RBM26: variants seen among roughly 807,000 people sequenced by gnomAD.
RBM26 encodes RNA binding motif protein 26, also known as RNA-binding protein 26.
Under a neutral mutation model 123.6 loss-of-function variants are expected in RBM26, and 30 were observed. That is an observed-to-expected ratio of 0.24 (90% CI 0.18 to 0.33). The LOEUF is 0.33. Ranked by LOEUF, RBM26 falls within the 10% of genes least tolerant of loss-of-function variation. RBM26 has a pLI of 1.00. For synonymous variants in RBM26, 400 were observed against 404.4 expected, an observed-to-expected ratio of 0.99 and a Z score of 0.13; for missense variants, 947 against 1,203.6, an observed-to-expected ratio of 0.79 and a Z score of 3.15.
At chr13:79,404,102 C>T (rs2079296317) in intron 1 of RBM26, among the ~76,000 whole-genome samples, 2 of 152,130 alleles carry the variant, frequency 1.3e-5, no homozygotes, top group African/African-American at 4.8e-5. Flanking sequence ...GTTTTAGACT[C>T]ATATATTCAA....
At position 79,322,388 on chromosome 13, in the gene RBM26, T is replaced by A. The variant is rs762457496; in HGVS notation, c.2895A>T (p.Ser965=). The change falls in exon 21 of 22, where the codon TCA becomes TCT. Residue 965 remains serine, a synonymous_variant. Coordinates refer to ENST00000438737, the MANE Select transcript of RBM26 (RefSeq NM_001366735.2). ...GCTCAACTTCTTCTGTTTCAACAGC[T>A]GAAATATTAGTTACTGGTTTATTCC... The part of the protein sequence containing the change: ...LAWNKPVTNI[S]AVETEEVEPD... 1 of 1,578,488 alleles carries A rather than the reference T, an allele frequency of 6.3e-7. No homozygotes were observed. Among genetic ancestry groups the A allele is most frequent in the South Asian group, 1.2e-5 (1 of 84,696 alleles).
chr13:79,325,124 C>G (rs2068177391), intron 20 of RBM26, among the ~76,000 whole-genome samples: 1 of 152,090 alleles, frequency 6.6e-6, no homozygotes, highest in Non-Finnish European at 1.5e-5. Flanking sequence ...CCAGTCCAGT[C>G]ATATAAAAGT....
rs533218601 is a variant in RBM26 at position 79,327,674 on chromosome 13, A to G, written c.2821-5212T>C. On this transcript the variant is annotated intron_variant, in intron 20 of 21. Coordinates refer to ENST00000438737, the MANE Select transcript of RBM26 (RefSeq NM_001366735.2). ...TCCTACATATGAAGAACCAATAGAA[A>G]ATATTATGGAACAAAAGATCTCATT... is the stretch of plus-strand genomic sequence containing the variant. 3.9e-5 allele frequency among the ~76,000 whole-genome samples: 6 copies of G among 152,316 alleles called. No individual in the cohort carries two copies. In the South Asian group the frequency reaches 1.0e-3, roughly 26 times the overall value.
intron 20 of RBM26, 131 bp from the exon 21 acceptor site, chr13:79,322,593 TTTGA>T: frequency 1.9e-6 from 1 of 525,592 alleles, no homozygotes; most frequent in Non-Finnish European, 3.3e-6. Context: ...CCATTTGCTT[TTTGA>T]TTATTTACTA....
intron 14 of RBM26, among the ~76,000 whole-genome samples, chr13:79,347,886 AATATT>A (rs1305763812): frequency 1.3e-5 from 2 of 152,140 alleles, no homozygotes; most frequent in Non-Finnish European, 2.9e-5. Context: ...TTCACAATTG[AATATT>A]ATGTTAGCTG....
intron 3 of RBM26, among the ~76,000 whole-genome samples, chr13:79,373,307 TATAA>T (rs1352090374): frequency 7.5e-5 from 8 of 106,168 alleles, no homozygotes; most frequent in East Asian, 2.6e-4. Context: ...TATATAAAAA[TATAA>T]ATAAATATAT....
chr13:79,399,429 A>G (rs550867251), intron 1 of RBM26, among the ~76,000 whole-genome samples: 72 of 152,348 alleles, frequency 4.7e-4, no homozygotes, highest in Non-Finnish European at 9.6e-4. Context: ...AAAAAGAAAC[A>G]GTAAAGTTTC....
chr13:79,324,466 C>T (rs755287921), intron 20 of RBM26, among the ~76,000 whole-genome samples: 1 of 151,774 alleles, frequency 6.6e-6, no homozygotes, highest in Admixed American at 6.6e-5. Flanking sequence ...ACTTTTTTCA[C>T]AATCTGGCCT....
chr13:79,371,427 C>T (rs1198404255), intron 4 of RBM26, among the ~76,000 whole-genome samples: 1 of 152,112 alleles, frequency 6.6e-6, no homozygotes, highest in Non-Finnish European at 1.5e-5. Context: ...GTATATAAGA[C>T]TTAGAGTACA....
Position 79,319,299 on chromosome 13 carries a change from G to A in RBM26, c.*1322C>T, listed in dbSNP as rs993188361. On this transcript the variant is annotated 3_prime_UTR_variant, in exon 22 of 22. Transcript: ENST00000438737. ...TAATATTATCACTATAATCTCAAGA[G>A]AGGCAGAAACACTTGCAATCAAAAT... 25 of 982,918 alleles carry A rather than the reference G, an allele frequency of 2.5e-5. No homozygotes were observed. The highest frequency in any genetic ancestry group is 3.0e-5 in the Non-Finnish European group (25 of 828,032). 60.9% of individuals were successfully genotyped at this position (982,918 alleles called of 1,614,324 possible).
At chr13:79,348,609 C>A (rs1446018663) in intron 14 of RBM26, among the ~76,000 whole-genome samples, 2 of 152,022 alleles carry the variant, frequency 1.3e-5, no homozygotes, top group African/African-American at 4.8e-5. Flanking sequence ...AGCAGAAATA[C>A]ATTGGTTTAA....
At chr13:79,377,570 C>T (rs2076751586) in intron 2 of RBM26, 55 bp from the exon 3 acceptor site, 3 of 1,312,128 alleles carry the variant, frequency 2.3e-6, no homozygotes, top group Admixed American at 3.8e-5. Flanking sequence ...GATTAATTCC[C>T]CGCTTCCACA....
intron 6 of RBM26, 83 bp from the exon 7 acceptor site, chr13:79,366,955 TA>T: frequency 1.7e-6 from 2 of 1,177,406 alleles, no homozygotes; most frequent in Admixed American, 2.6e-5. Flanking sequence ...GTAAAATATT[TA>T]AAAATATGAA....
downstream of RBM26, chr13:79,315,037 A>G: frequency 1.7e-6 from 2 of 1,156,326 alleles, no homozygotes; most frequent in Non-Finnish European, 2.3e-6. Flanking sequence ...GAAAATAGCA[A>G]ATAAATCTAA....
downstream of RBM26, among the ~76,000 whole-genome samples, chr13:79,316,257 T>C (rs1291661812): frequency 1.3e-5 from 2 of 148,836 alleles, no homozygotes; most frequent in Admixed American, 6.8e-5. Context: ...AAAATTTATA[T>C]AAATTCTAGA....
chr13:79,344,606 C>A lies in RBM26; in HGVS notation c.2184+63G>T, dbSNP rs1296415559. On this transcript the variant is annotated intron_variant, in intron 15 of 21. Transcript: ENST00000438737. ...TATTTTGCAATAAGCACTGAAAAAA[C>A]ACATACACAAGGAAAGCTTTCCTAT... 3 of 1,439,206 alleles carry A rather than the reference C, an allele frequency of 2.1e-6. No homozygotes were observed. In the African/African-American group the frequency reaches 4.3e-5, roughly 21 times the overall value. 89.2% of individuals were successfully genotyped at this position (1,439,206 alleles called of 1,614,324 possible).
chr13:79,362,648 T>C (rs2074834433), intron 9 of RBM26, among the ~76,000 whole-genome samples: 1 of 152,168 alleles, frequency 6.6e-6, no homozygotes, highest in African/African-American at 2.4e-5. Context: ...TTGGTCTTAT[T>C]CCTGTCTCCC....
chr13:79,379,253 G>A (rs1309203190), intron 1 of RBM26, among the ~76,000 whole-genome samples: 1 of 151,650 alleles, frequency 6.6e-6, no homozygotes, highest in African/African-American at 2.4e-5. Context: ...CAGTATTGAG[G>A]CCAGGCACAG....
At chr13:79,375,174 TATATA>T (rs2076572814) in intron 3 of RBM26, among the ~76,000 whole-genome samples, 1 of 135,316 alleles carries the variant, frequency 7.4e-6, no homozygotes, top group Non-Finnish European at 1.6e-5. Flanking sequence ...ATATTATATA[TATATA>T]TTTTTTTTTT....
Sources: allele counts gnomAD v4.1 joint callset (sites outside exome capture counted in the v4.1 genomes callset), GRCh38; gene constraint gnomAD v4.1.1; transcripts MANE v1.5; gene names NCBI Gene and HGNC (gene_info 2026-07-23, HGNC 2026-07-21).